Variants in MUSK observed in about 807,000 individuals in gnomAD.
MUSK encodes the protein muscle, skeletal receptor tyrosine-protein kinase.
In MUSK, 55 loss-of-function variants were observed where a neutral mutation model predicts 88.7. The ratio of observed to expected loss-of-function variants is 0.62; its 90% confidence interval spans 0.50 to 0.78. The LOEUF is 0.78. MUSK is among the 30% of genes least tolerant of loss of function. The probability of loss-of-function intolerance (pLI) is 0.00; values close to 1 mark genes in which losing one functional copy is unlikely to be tolerated. For missense variants in MUSK, 1,015 were observed against 1,074.3 expected (o/e 0.94, Z 0.77); for synonymous variants, 387 against 391.9 (o/e 0.99, Z 0.15).
rs1404050292 is a variant in MUSK, at chr9:110,689,183, A to G, written c.358+1915A>G. On this transcript the variant is annotated intron_variant, in intron 3 of 14. Transcript: ENST00000374448. ...ATATAAATAAACTATATATTTATAT[A>G]AATATATCATATATATATTCATATT... Among the ~76,000 whole-genome samples, 40 of 55,942 alleles carry G rather than the reference A, an allele frequency of 7.2e-4. 1 individual carries two copies. Among genetic ancestry groups the G allele is most frequent in the Non-Finnish European group, 2.1e-4 (7 of 33,006 alleles). 36.7% of individuals were successfully genotyped at this position (55,942 alleles called of 152,430 possible). A position where few individuals can be genotyped will look rare whatever the true frequency, so the allele number is the denominator to read the frequency against.
At chr9:110,782,653 T>C (rs1000472947) in intron 11 of MUSK, among the ~76,000 whole-genome samples, 1 of 152,182 alleles carries the variant, frequency 6.6e-6, no homozygotes, top group Non-Finnish European at 1.5e-5. Flanking sequence ...TTAATAATTG[T>C]TCCAACTTTA....
chr9:110,687,868 A>G (rs1403600682), intron 3 of MUSK, among the ~76,000 whole-genome samples: 5 of 152,060 alleles, frequency 3.3e-5, no homozygotes. Flanking sequence ...CACCAGGAAA[A>G]CTTCCTCTGA....
intron 5 of MUSK, among the ~76,000 whole-genome samples, chr9:110,710,558 A>G (rs2076655256): frequency 6.6e-6 from 1 of 152,162 alleles, no homozygotes; most frequent in Non-Finnish European, 1.5e-5. Flanking sequence ...AAAGAACATA[A>G]ATCTACTTTC....
At chr9:110,766,731 A>T (rs933992932) in intron 8 of MUSK, among the ~76,000 whole-genome samples, 2 of 152,218 alleles carry the variant, frequency 1.3e-5, no homozygotes, top group African/African-American at 4.8e-5. Flanking sequence ...TCTTTATATA[A>T]AGACAATGAA....
In MUSK at chr9:110,735,168, A is replaced by G. The variant is rs535562059; in HGVS notation, c.753+793A>G. Among the ~76,000 whole-genome samples the G allele has an allele frequency of 3.3e-5, 5 of 152,232 alleles. 1 individual carries two copies. The highest frequency in any genetic ancestry group is 2.1e-4 in the South Asian group (1 of 4,828). ...AGTATGGCGGTTACTCAAAAAGCTAAAAATGGAATTGCCATATGATCCACC... is the reference window on the plus strand; with the variant it reads ...AGTATGGCGGTTACTCAAAAAGCTAGAAATGGAATTGCCATATGATCCACC... On this transcript the variant is annotated intron_variant, in intron 6 of 14. Transcript: ENST00000374448.
chr9:110,694,206 C>T (rs2076395535), intron 3 of MUSK, among the ~76,000 whole-genome samples: 1 of 85,106 alleles, frequency 1.2e-5, no homozygotes, highest in Non-Finnish European at 2.4e-5. Flanking sequence ...CCCGTCTCCA[C>T]TAAAAATACA....
chr9:110,781,903 G>T (rs1361123710), intron 11 of MUSK, among the ~76,000 whole-genome samples: 1 of 152,084 alleles, frequency 6.6e-6, no homozygotes, highest in African/African-American at 2.4e-5. Flanking sequence ...ACCTTCAACT[G>T]GTTACTGGCT....
At chr9:110,770,126 A>C (rs1036665272) in intron 9 of MUSK, among the ~76,000 whole-genome samples, 1 of 151,764 alleles carries the variant, frequency 6.6e-6, no homozygotes, top group African/African-American at 2.4e-5. Flanking sequence ...CTTTGGGTTT[A>C]ATTACTGTCT....
intron 3 of MUSK, among the ~76,000 whole-genome samples, chr9:110,692,488 T>G: frequency 6.6e-6 from 1 of 152,120 alleles, no homozygotes; most frequent in East Asian, 1.9e-4. Flanking sequence ...TGGGCCTTTT[T>G]GATCTAAAGA....
At chr9:110,731,154 G>A (rs184348707) in intron 5 of MUSK, among the ~76,000 whole-genome samples, 8 of 152,102 alleles carry the variant, frequency 5.3e-5, no homozygotes, top group Non-Finnish European at 1.0e-4. Flanking sequence ...TATATACCAT[G>A]CAGGGTTCTA....
chr9:110,731,864 T>C (rs1564251524), intron 5 of MUSK, among the ~76,000 whole-genome samples: 3 of 151,850 alleles, frequency 2.0e-5, no homozygotes, highest in Non-Finnish European at 2.9e-5. Flanking sequence ...TAATCAGAGG[T>C]TTCACAATAA....
chr9:110,785,513 T>C lies in MUSK; in HGVS notation c.1587-14T>C. The C allele has an allele frequency of 6.3e-7, 1 of 1,579,616 alleles. No homozygotes were observed. Among genetic ancestry groups the C allele is most frequent in the African/African-American group, 1.3e-5 (1 of 74,262 alleles). On this transcript the variant is annotated splice_polypyrimidine_tract_variant and intron_variant, in intron 12 of 14. Transcript: ENST00000374448. ...TTCTGAGCTCATTCCTGATCTTGCC[T>C]GTCTTGCCTGCAGAGAATCAGCAGC...
intron 11 of MUSK, among the ~76,000 whole-genome samples, chr9:110,777,037 C>A (rs1046489307): frequency 3.9e-5 from 6 of 152,094 alleles, no homozygotes; most frequent in Non-Finnish European, 8.8e-5. Context: ...TTCATTGAGC[C>A]AATTCATGAT....
At chr9:110,689,076 A>G (rs1437558180) in intron 3 of MUSK, among the ~76,000 whole-genome samples, 1 of 139,030 alleles carries the variant, frequency 7.2e-6, no homozygotes, top group Non-Finnish European at 1.5e-5. Context: ...ATAGTTATAT[A>G]TAGTTATATA....
At chr9:110,730,243 A>C (rs1236802737) in intron 5 of MUSK, among the ~76,000 whole-genome samples, 3 of 152,004 alleles carry the variant, frequency 2.0e-5, no homozygotes. Context: ...GCACTTGCTT[A>C]CCCACAGGAA....
intron 2 of MUSK, among the ~76,000 whole-genome samples, chr9:110,683,144 C>G (rs1010224433): frequency 6.6e-6 from 1 of 152,040 alleles, no homozygotes; most frequent in Non-Finnish European, 1.5e-5. Flanking sequence ...CCCTTTCCAG[C>G]CTCTGGTAAC....
intron 5 of MUSK, among the ~76,000 whole-genome samples, chr9:110,712,559 G>A (rs961062579): frequency 2.6e-5 from 4 of 152,112 alleles, no homozygotes; most frequent in African/African-American, 9.7e-5. Flanking sequence ...GCATTCCCCA[G>A]TTATTCATAT....
rs941465056 is a variant in MUSK, at chr9:110,802,717, A to T, written c.*1729A>T. Among the ~76,000 whole-genome samples the T allele has an allele frequency of 2.0e-5, 3 of 152,174 alleles. No homozygotes were observed. On this transcript the variant is annotated 3_prime_UTR_variant, in exon 15 of 15. Coordinates refer to ENST00000374448, the MANE Select transcript of MUSK (RefSeq NM_005592.4). ...CCTTCAACCCAAGAGCCAATGACTC[A>T]ACCTCTACCGTTGCCCACCCTGTCT...
chr9:110,669,993 C>T (rs1273529126), intron 1 of MUSK, among the ~76,000 whole-genome samples: 1 of 152,026 alleles, frequency 6.6e-6, no homozygotes, highest in Non-Finnish European at 1.5e-5. Flanking sequence ...TATATAGATG[C>T]AAAATGTATC....
Sources: allele counts gnomAD v4.1 joint callset (sites outside exome capture counted in the v4.1 genomes callset), GRCh38; gene constraint gnomAD v4.1.1; transcripts MANE v1.5; gene names NCBI Gene and HGNC (gene_info 2026-07-23, HGNC 2026-07-21).